Variants in EXOC4 observed in about 807,000 individuals in gnomAD.
EXOC4 encodes exocyst complex component 4.
EXOC4 carries 71 observed loss-of-function variants against 107.2 expected under a neutral mutation model. The observed-to-expected ratio is 0.66, with a 90% CI of 0.55 to 0.81. The LOEUF is 0.81. EXOC4 is among the 30% of genes least tolerant of loss of function. The probability of loss-of-function intolerance (pLI) is 0.00; values close to 1 mark genes in which losing one functional copy is unlikely to be tolerated. For synonymous variants in EXOC4, 456 were observed against 441.2 expected (o/e 1.03, Z -0.42); for missense variants, 1,108 against 1,189.6 (o/e 0.93, Z 1.01).
At chr7:133,401,059 C>G (rs1278169571) in intron 7 of EXOC4, among the ~76,000 whole-genome samples, 1 of 152,186 alleles carries the variant, frequency 6.6e-6, no homozygotes, top group East Asian at 1.9e-4. Context: ...TCTCTTTTAA[C>G]CAACTAGAAG....
At chr7:133,802,945 A>G (rs1796983131) in intron 10 of EXOC4, among the ~76,000 whole-genome samples, 1 of 151,978 alleles carries the variant, frequency 6.6e-6, no homozygotes, top group Non-Finnish European at 1.5e-5. Context: ...CAAGATATGC[A>G]TGTGGGAAAT....
chr7:133,817,346 T>A lies in EXOC4; in HGVS notation c.1536T>A (p.His512Gln). The A allele has an allele frequency of 6.2e-7, 1 of 1,613,852 alleles. No homozygotes were observed. The highest frequency in any genetic ancestry group is 8.5e-7 in the Non-Finnish European group (1 of 1,179,784). ...PLLRFIQEIEHALGLGPAKQC... is the reference protein window; with the variant it reads ...PLLRFIQEIEQALGLGPAKQC... ...CCAGATTTATTCAGGAGATTGAGCATGCTCTGGGTCTTGGCCCAGCCAAAC... is the reference window on the plus strand; with the variant it reads ...CCAGATTTATTCAGGAGATTGAGCAAGCTCTGGGTCTTGGCCCAGCCAAAC... The change falls in exon 11 of 18, where the codon CAT (histidine) becomes CAA (glutamine). Residue 512 changes from histidine (H) to glutamine (Q), a missense_variant. Transcript: ENST00000253861.
intron 10 of EXOC4, among the ~76,000 whole-genome samples, chr7:133,712,045 A>T (rs1404870864): frequency 6.6e-6 from 1 of 152,170 alleles, no homozygotes; most frequent in East Asian, 1.9e-4. Flanking sequence ...TTAGAGGCTT[A>T]AAAAAGACTG....
intron 11 of EXOC4, among the ~76,000 whole-genome samples, chr7:133,867,380 G>A (rs1798662442): frequency 6.6e-6 from 1 of 152,156 alleles, no homozygotes; most frequent in Non-Finnish European, 1.5e-5. Flanking sequence ...GTTCAAGTTT[G>A]TTCTCATTAC....
At chr7:134,047,040 T>C (rs1418612559) in intron 17 of EXOC4, among the ~76,000 whole-genome samples, 1 of 152,218 alleles carries the variant, frequency 6.6e-6, no homozygotes, top group Admixed American at 6.5e-5. Flanking sequence ...TTGGTACTGC[T>C]CTTATGAAAT....
At chr7:133,312,372 A>G (rs953947523) in intron 4 of EXOC4, among the ~76,000 whole-genome samples, 2 of 152,184 alleles carry the variant, frequency 1.3e-5, no homozygotes, top group Non-Finnish European at 2.9e-5. Context: ...AAATATTTGT[A>G]TGTGTATAGA....
intron 5 of EXOC4, among the ~76,000 whole-genome samples, chr7:133,328,098 T>TATGA (rs1795290703): frequency 6.6e-6 from 1 of 152,218 alleles, no homozygotes; most frequent in Admixed American, 6.5e-5. Context: ...GAACTTGCTT[T>TATGA]ATGAATCTGA....
intron 9 of EXOC4, among the ~76,000 whole-genome samples, chr7:133,539,564 G>C (rs900326442): frequency 1.3e-5 from 2 of 150,362 alleles, no homozygotes; most frequent in African/African-American, 4.9e-5. Flanking sequence ...CTTAGTACCT[G>C]TTAATCAAGA....
chr7:133,281,972 G>A (rs1468325527), intron 2 of EXOC4, among the ~76,000 whole-genome samples: 1 of 151,960 alleles, frequency 6.6e-6, no homozygotes, highest in Non-Finnish European at 1.5e-5. Context: ...CAAAGTTCTG[G>A]GATTACAGGC....
At chr7:133,472,524 T>A (rs1260277936) in intron 7 of EXOC4, among the ~76,000 whole-genome samples, 5 of 152,050 alleles carry the variant, frequency 3.3e-5, no homozygotes, top group African/African-American at 1.2e-4. Context: ...GGAAGATGAT[T>A]TAGGTTTCAG....
At chr7:133,346,537 A>G (rs1001145368) in intron 5 of EXOC4, among the ~76,000 whole-genome samples, 1 of 152,186 alleles carries the variant, frequency 6.6e-6, no homozygotes, top group Non-Finnish European at 1.5e-5. Flanking sequence ...AGAAGCACTC[A>G]CATTATTTTT....
chr7:133,314,267 T>C (rs150263788), intron 4 of EXOC4, among the ~76,000 whole-genome samples: 247 of 152,264 alleles, frequency 1.6e-3, no homozygotes, highest in Middle Eastern at 0.014. Flanking sequence ...AGTCACAAAG[T>C]GAGTGGGTGT....
At chr7:133,573,330 T>G (rs984316520) in intron 9 of EXOC4, among the ~76,000 whole-genome samples, 8 of 152,134 alleles carry the variant, frequency 5.3e-5, no homozygotes. Flanking sequence ...AGGCACCAGA[T>G]CTTTTGGGCA....
chr7:133,865,606 A>G (rs1798620616), intron 11 of EXOC4, among the ~76,000 whole-genome samples: 1 of 152,196 alleles, frequency 6.6e-6, no homozygotes. Context: ...ATGAGGTTTA[A>G]TTGACTCACA....
Position 133,253,350 on chromosome 7 carries a change from T to TC in EXOC4, c.86+168dup, listed in dbSNP as rs1368693636. 1.4e-5 allele frequency: 19 copies of TC among 1,395,876 alleles called. No homozygotes were observed. In the African/African-American group the frequency reaches 2.1e-4, roughly 15 times the overall value. 86.5% of individuals were successfully genotyped at this position (1,395,876 alleles called of 1,614,324 possible). ...AACCCCTCCCCAGGGCCCCAGCAAT[T>TC]CCCCCTCCACCTTTTTTTTCTGGGG... is the stretch of plus-strand genomic sequence containing the variant. On this transcript the variant is annotated intron_variant, in intron 1 of 17. Transcript: ENST00000253861.
chr7:133,844,313 A>C (rs149521470), intron 11 of EXOC4, among the ~76,000 whole-genome samples: 3 of 151,346 alleles, frequency 2.0e-5, no homozygotes, highest in African/African-American at 7.3e-5. Context: ...GACTACCTCA[A>C]ACTATTTCTA....
intron 10 of EXOC4, among the ~76,000 whole-genome samples, chr7:133,731,719 A>T (rs544655786): frequency 6.6e-6 from 1 of 152,288 alleles, no homozygotes; most frequent in Admixed American, 6.5e-5. Flanking sequence ...TAGAATGGGT[A>T]TAATAAAAGC....
intron 3 of EXOC4, chr7:133,290,801 A>C (rs1197111770): frequency 2.0e-5 from 3 of 152,196 alleles, no homozygotes; most frequent in Admixed American, 2.0e-4. Flanking sequence ...TAAGTTACAG[A>C]AATTCAACTC....
intron 11 of EXOC4, among the ~76,000 whole-genome samples, chr7:133,881,306 A>G (rs1798962936): frequency 1.2e-5 from 1 of 80,330 alleles, no homozygotes; most frequent in African/African-American, 5.0e-5. Flanking sequence ...CACCCCAGCC[A>G]TGAACAACCA....
Sources: gnomAD v4.1 joint callset for allele counts (sites outside exome capture counted in the v4.1 genomes callset) on GRCh38, gnomAD v4.1.1 for gene constraint, MANE v1.5 for transcripts, NCBI Gene and HGNC (gene_info 2026-07-23, HGNC 2026-07-21) for gene names.